NEB: variants seen among roughly 807,000 people sequenced by gnomAD.
The protein encoded by NEB is nebulin.
A neutral mutation model predicts 952.2 loss-of-function variants in NEB; 512 were observed. The observed-to-expected ratio is 0.54, with a 90% CI of 0.50 to 0.58. The LOEUF (loss-of-function observed/expected upper bound fraction) is 0.58, where lower values mean the gene tolerates loss of function less well. Ranked by LOEUF, NEB falls within the 20% of genes least tolerant of loss-of-function variation. The pLI, the probability that NEB is intolerant of heterozygous loss-of-function variation, is 0.00. For missense variants in NEB, 8,428 were observed against 9,231.1 expected (o/e 0.91, Z 3.56); for synonymous variants, 2,900 against 3,149.8 (o/e 0.92, Z 2.66).
At position 151,575,696 on chromosome 2, in the gene NEB, T is replaced by C. The variant is rs1390168520; in HGVS notation, c.17012A>G (p.Asn5671Ser). 1 of 1,572,214 alleles carries C rather than the reference T, an allele frequency of 6.4e-7. No individual in the cohort carries two copies. Among genetic ancestry groups the C allele is most frequent in the African/African-American group, 1.3e-5 (1 of 74,180 alleles). ...LARANALNVSNKLYREGWDEM... is the reference protein window; with the variant it reads ...LARANALNVSSKLYREGWDEM... ...AAGAGAGTCTGTTGTAGTACTTACA[T>C]TGCTCACATTAAGAGCATTTGCTCT... Residue 5671 changes from asparagine to serine, a missense_variant and splice_region_variant, in exon 107 of 182, where the codon AAT (asparagine) becomes AGT (serine). This residue lies in a region of NEB where 3,374 missense variants were observed against 3,651.5 expected (regional missense o/e 0.92). Coordinates refer to ENST00000397345, the MANE Select transcript of NEB (RefSeq NM_001164508.2).
At chr2:151,637,974 TC>T in intron 63 of NEB, among the ~76,000 whole-genome samples, 1 of 152,342 alleles carries the variant, frequency 6.6e-6, no homozygotes, top group East Asian at 1.9e-4. Context: ...AACAATATTT[TC>T]CTTGCTGGTG....
At chr2:151,646,002 A>G (rs1217015025) in intron 55 of NEB, 128 bp downstream of exon 55, 1 of 685,254 alleles carries the variant, frequency 1.5e-6, no homozygotes, top group African/African-American at 1.8e-5. Context: ...CTAAATAAGG[A>G]ATCTAAGTCA....
intron 103 of NEB, 23 bp downstream of exon 103, chr2:151,581,460 G>C: frequency 1.5e-6 from 1 of 681,126 alleles, no homozygotes; most frequent in Non-Finnish European, 2.3e-6. Context: ...ACTGTGAAAA[G>C]CAAATGATGT....
Position 151,514,885 on chromosome 2 carries a change from T to A in NEB, c.22949A>T (p.Asn7650Ile). The change falls in exon 158 of 182, where the codon AAC (asparagine) becomes ATC (isoleucine). Residue 7650 changes from asparagine to isoleucine, a missense_variant. This residue lies in a region of NEB where 3,374 missense variants were observed against 3,651.5 expected (regional missense o/e 0.92). Coordinates refer to ENST00000397345, the MANE Select transcript of NEB (RefSeq NM_001164508.2). ...KDYEESIKGR[N>I]LTGLEVTPAL... ...TGGCGTGACCTCCAGGCCAGTCAGG[T>A]TTCTGCCTTTAATGGACTCTTCATA... 1 of 1,587,584 alleles carries A rather than the reference T, an allele frequency of 6.3e-7. No homozygotes were observed. The highest frequency in any genetic ancestry group is 2.3e-5 in the East Asian group (1 of 44,234).
At position 151,519,018 on chromosome 2, in the gene NEB, TC is replaced by T. The variant is rs1057515573; in HGVS notation, c.22641del (p.Met7547IlefsTer5). The T allele has an allele frequency of 6.8e-6, 11 of 1,613,774 alleles. No individual in the cohort carries two copies. The highest frequency in any genetic ancestry group is 9.3e-6 in the Non-Finnish European group (11 of 1,179,726). On this transcript the variant is annotated frameshift_variant, in exon 155 of 182. Transcript: ENST00000397345. LOFTEE classifies it high-confidence loss of function. Reference protein sequence around the residue: ...LKKLHKPVTDMKESLIMNHVL... With the variant: ...LKKLHKPVTDXKESLIMNHVL... ...ACATGATTCATGATCAGAGACTCCT[TC>T]ATGTCAGTCACGGGTTTGTGAAGTT... is the stretch of plus-strand genomic sequence containing the variant.
At chr2:151,711,236 G>A (rs973412326) in intron 10 of NEB, among the ~76,000 whole-genome samples, 3 of 152,234 alleles carry the variant, frequency 2.0e-5, no homozygotes, top group East Asian at 1.9e-4. Flanking sequence ...CATGATATGC[G>A]GTTTTGAAAT....
At chr2:151,501,132 A>G (rs199692784) in intron 168 of NEB, among the ~76,000 whole-genome samples, 6 of 152,292 alleles carry the variant, frequency 3.9e-5, no homozygotes, top group South Asian at 2.1e-4. Context: ...CTGGAAATCA[A>G]TTAACTTCAA....
intron 60 of NEB, among the ~76,000 whole-genome samples, chr2:151,641,247 G>A (rs950894929): frequency 1.3e-5 from 2 of 152,166 alleles, no homozygotes; most frequent in Non-Finnish European, 2.9e-5. Context: ...TTGTATATGG[G>A]TTTGTGCCTG....
chr2:151,697,147 C>A lies in NEB; in HGVS notation c.1470+1G>T. 3 of 1,606,738 alleles carry A rather than the reference C, an allele frequency of 1.9e-6. No homozygotes were observed. The highest frequency in any genetic ancestry group is 2.6e-6 in the Non-Finnish European group (3 of 1,174,710). On this transcript the variant is annotated splice_donor_variant, in intron 16 of 181. Transcript: ENST00000397345. LOFTEE classifies it high-confidence loss of function. ...ATTCAAAGTTCAGACTACAGACTTACGTCTTTACACTGATCTAGTTTCTTA... is the reference window on the plus strand; with the variant it reads ...ATTCAAAGTTCAGACTACAGACTTAAGTCTTTACACTGATCTAGTTTCTTA...
chr2:151,658,173 C>T (rs1471601657), intron 47 of NEB, 83 bp from the exon 48 acceptor site: 5 of 1,039,142 alleles, frequency 4.8e-6, no homozygotes, highest in Middle Eastern at 2.5e-4. Flanking sequence ...ACCACTGTGG[C>T]GTCTTTTTTT....
intron 61 of NEB, 47 bp from the exon 62 acceptor site, chr2:151,640,107 G>A (rs770305737): frequency 4.5e-6 from 7 of 1,572,628 alleles, no homozygotes; most frequent in Non-Finnish European, 5.2e-6. Flanking sequence ...TATCAGCAAT[G>A]CATTTTCATC....
chr2:151,494,211 C>T lies in NEB; in HGVS notation c.24529G>A (p.Val8177Ile), dbSNP rs1559165646. Residue 8177 changes from valine (V) to isoleucine (I), a missense_variant, in exon 174 of 182, where the codon GTC (valine) becomes ATC (isoleucine). Coordinates refer to ENST00000397345, the MANE Select transcript of NEB (RefSeq NM_001164508.2). ...TTGACTCTCTGCATCTCAGGAGTGACAGGGGTTGCGGTGGCTTTCCCCACA... is the reference window on the plus strand; with the variant it reads ...TTGACTCTCTGCATCTCAGGAGTGATAGGGGTTGCGGTGGCTTTCCCCACA... ...ENVGKATATP[V>I]TPEMQRVKRN... 6.2e-7 allele frequency: 1 copy of T among 1,608,108 alleles called. No homozygotes were observed. The highest frequency in any genetic ancestry group is 8.5e-7 in the Non-Finnish European group (1 of 1,176,844).
intron 5 of NEB, among the ~76,000 whole-genome samples, chr2:151,726,792 A>G (rs970003041): frequency 2.6e-5 from 4 of 152,186 alleles, no homozygotes; most frequent in African/African-American, 9.7e-5. Context: ...TTGTGGGGCC[A>G]AGGTGGGAGG....
chr2:151,620,067 AGTGAGCC>A (rs1354240120), intron 72 of NEB, among the ~76,000 whole-genome samples: 2 of 152,116 alleles, frequency 1.3e-5, no homozygotes, highest in Non-Finnish European at 2.9e-5. Context: ...CCATCATGTG[AGTGAGCC>A]TATTTAAGAA....
Position 151,659,158 on chromosome 2 carries a change from T to C in NEB, c.5982A>G (p.Lys1994=). The change falls in exon 47 of 182, where the codon AAA becomes AAG. Residue 1994 remains lysine (K), a synonymous_variant. Coordinates refer to ENST00000397345, the MANE Select transcript of NEB (RefSeq NM_001164508.2). ...TGGTTTTGTCAGCCTCCCATGCTTG[T>C]TTGTAGAGATGCTAGGAAAAAAACA... The part of the protein sequence containing the change: ...NAKIMNEHLY[K]QAWEADKTKV... The C allele has an allele frequency of 1.9e-6, 3 of 1,609,286 alleles. No homozygotes were observed. The highest frequency in any genetic ancestry group is 2.6e-6 in the Non-Finnish European group (3 of 1,175,868).
At chr2:151,696,119 A>G (rs1576654609) in intron 17 of NEB, among the ~76,000 whole-genome samples, 1 of 152,114 alleles carries the variant, frequency 6.6e-6, no homozygotes, top group Non-Finnish European at 1.5e-5. Context: ...TTATTTTTTT[A>G]GTTCAACACA....
chr2:151,508,871 A>G lies in NEB; in HGVS notation c.23347-762T>C, dbSNP rs184426637. Among the ~76,000 whole-genome samples the G allele has an allele frequency of 1.9e-3, 291 of 152,378 alleles. 1 individual carries two copies. Among genetic ancestry groups the G allele is most frequent in the Non-Finnish European group, 3.1e-3 (210 of 68,034 alleles). ...TCTTCCAGACACCAGTGGGCAGTCA[A>G]TCTCACCACCAAACTGATGATTGTT... is the stretch of plus-strand genomic sequence containing the variant. On this transcript the variant is annotated intron_variant, in intron 161 of 181. Coordinates refer to ENST00000397345, the MANE Select transcript of NEB (RefSeq NM_001164508.2).
intron 136 of NEB, 109 bp downstream of exon 136, chr2:151,541,338 C>T (rs1043417554): frequency 9.6e-6 from 7 of 729,680 alleles, no homozygotes; most frequent in Non-Finnish European, 1.6e-5. Context: ...CATGAGGTTG[C>T]AGCCAGGACA....
At chr2:151,713,759 A>T (rs78430905) in intron 10 of NEB, among the ~76,000 whole-genome samples, 1 of 152,116 alleles carries the variant, frequency 6.6e-6, no homozygotes, top group African/African-American at 2.4e-5. Context: ...CTGTTCATCT[A>T]TGTTAGAGCT....
Sources: allele counts gnomAD v4.1 joint callset (sites outside exome capture counted in the v4.1 genomes callset), GRCh38; gene constraint gnomAD v4.1.1; regional missense constraint gnomAD v4.1.1; transcripts MANE v1.5; gene names NCBI Gene and HGNC (gene_info 2026-07-23, HGNC 2026-07-21).